The following CDS2 variants were observed in gnomAD, a reference collection of about 807,000 sequenced individuals.
CDS2 encodes CDP-diacylglycerol synthase 2.
In CDS2, 47 loss-of-function variants were observed where a neutral mutation model predicts 59.0. That is an observed-to-expected ratio of 0.80 (90% confidence interval 0.63 to 1.02). The LOEUF is 1.02. Ranked by LOEUF, CDS2 falls within the 50% of genes least tolerant of loss-of-function variation. The pLI, the probability that CDS2 is intolerant of heterozygous loss-of-function variation, is 0.00. For synonymous variants in CDS2, 207 were observed against 206.4 expected, an observed-to-expected ratio of 1.00 and a Z score of -0.02; for missense variants, 356 against 558.9, an observed-to-expected ratio of 0.64 and a Z score of 3.66.
chr20:5,168,419 A>ACCC (rs1568538241), intron 1 of CDS2, among the ~76,000 whole-genome samples: 8 of 138,372 alleles, frequency 5.8e-5, no homozygotes, highest in East Asian at 2.0e-4. Context: ...TGTCCCCCCA[A>ACCC]AAAAAAAAAA....
At position 5,194,309 on chromosome 20, in the gene CDS2, G is replaced by A. The variant is rs1182154936; in HGVS notation, c.*4075G>A. On this transcript the variant is annotated 3_prime_UTR_variant, in exon 13 of 13. Transcript: ENST00000460006. The stretch of plus-strand genomic sequence containing the variant: ...GGCCTTGTGCCACAACCTGCATGGG[G>A]TGCTAGGGTTTAAACCAAGTGGTCA... 2.0e-5 allele frequency: 3 copies of A among 152,328 alleles called. No homozygotes were observed. Among genetic ancestry groups the A allele is most frequent in the African/African-American group, 7.2e-5 (3 of 41,454 alleles). 9.4% of individuals were successfully genotyped at this position (152,328 alleles called of 1,614,324 possible).
intron 1 of CDS2, among the ~76,000 whole-genome samples, chr20:5,166,205 A>T (rs1352852273): frequency 6.6e-6 from 1 of 152,230 alleles, no homozygotes; most frequent in Non-Finnish European, 1.5e-5. Context: ...AGGTGGCATA[A>T]GGAGTGGATG....
rs2091109758 is a variant in CDS2, at chr20:5,190,945, TACTGTA to T, written c.*716_*721del. The T allele has an allele frequency of 1.3e-5, 2 of 152,686 alleles. No individual in the cohort carries two copies. Among genetic ancestry groups the T allele is most frequent in the South Asian group, 4.1e-4 (2 of 4,826 alleles). 9.5% of individuals were successfully genotyped at this position (152,686 alleles called of 1,614,324 possible). On this transcript the variant is annotated 3_prime_UTR_variant, in exon 13 of 13. Coordinates refer to ENST00000460006, the MANE Select transcript of CDS2 (RefSeq NM_003818.4). Reference sequence around the variant, plus strand: ...TATTTCAAGTGTATGCAGTAGAATGTACTGTAACTGAGCCCTTTCCCACATGTCTAG... The same window carrying T: ...TATTTCAAGTGTATGCAGTAGAATGTACTGAGCCCTTTCCCACATGTCTAG...
intron 3 of CDS2, 180 bp from the exon 4 acceptor site, chr20:5,176,468 T>C: frequency 1.7e-6 from 1 of 587,286 alleles, no homozygotes; most frequent in Middle Eastern, 2.9e-4. Context: ...CCCTGTGACA[T>C]AGAGGGCTGC....
Position 5,127,156 on chromosome 20 carries a change from G to A in CDS2, c.57+7G>A, listed in dbSNP as rs2090559910. ...TGCGCCACCCGAGGACAAGGTAGCGGCAGCGTCGGGGTGGGCGCGGCCGGG... is the reference window on the plus strand; with the variant it reads ...TGCGCCACCCGAGGACAAGGTAGCGACAGCGTCGGGGTGGGCGCGGCCGGG... On this transcript the variant is annotated splice_region_variant and intron_variant, in intron 1 of 12. Coordinates refer to ENST00000460006, the MANE Select transcript of CDS2 (RefSeq NM_003818.4). 1 of 1,489,136 alleles carries A rather than the reference G, an allele frequency of 6.7e-7. No homozygotes were observed. The highest frequency in any genetic ancestry group is 1.3e-5 in the South Asian group (1 of 78,388). 92.2% of individuals were successfully genotyped at this position (1,489,136 alleles called of 1,614,324 possible). A position where few individuals can be genotyped will look rare whatever the true frequency, so the allele number is the denominator to read the frequency against.
rs2091166971 is a variant in CDS2 at position 5,197,457 on chromosome 20, C to G, written c.*7223C>G. On this transcript the variant is annotated 3_prime_UTR_variant, in exon 13 of 13. Coordinates refer to ENST00000460006, the MANE Select transcript of CDS2 (RefSeq NM_003818.4). The stretch of plus-strand genomic sequence containing the variant: ...AGCCGTGTCTGCCCTGGCTCTGTCT[C>G]CTCTGTGACAGGGCAGAGCATTTCT... 1 of 152,152 alleles carries G rather than the reference C, an allele frequency of 6.6e-6. No homozygotes were observed. The highest frequency in any genetic ancestry group is 1.5e-5 in the Non-Finnish European group (1 of 68,018). 9.4% of individuals were successfully genotyped at this position (152,152 alleles called of 1,614,324 possible).
chr20:5,179,282 C>T (rs2091016377), intron 5 of CDS2, among the ~76,000 whole-genome samples: 2 of 152,108 alleles, frequency 1.3e-5, no homozygotes, highest in Non-Finnish European at 2.9e-5. Flanking sequence ...CTACCATGCC[C>T]AGCTAATTTT....
chr20:5,184,947 T>C lies in CDS2; in HGVS notation c.759+2T>C. ...TTTGGTCGGACCCCACTCATCAAGG[T>C]AAATGGATTACCCTAATGTGAAATA... On this transcript the variant is annotated splice_donor_variant, in intron 8 of 12. Transcript: ENST00000460006. LOFTEE classifies it high-confidence loss of function. This position sits in a 1 kb window ranked among gnomAD's most constrained non-coding sequence, Gnocchi z 4.3. 1.2e-6 allele frequency: 2 copies of C among 1,603,736 alleles called. No homozygotes were observed. Among genetic ancestry groups the C allele is most frequent in the Admixed American group, 3.3e-5 (2 of 60,002 alleles).
intron 1 of CDS2, among the ~76,000 whole-genome samples, chr20:5,149,122 G>A (rs2090768472): frequency 6.6e-6 from 1 of 152,006 alleles, no homozygotes; most frequent in Non-Finnish European, 1.5e-5. Context: ...GCGATCCTAT[G>A]AAATGGTGCC....
intron 1 of CDS2, among the ~76,000 whole-genome samples, chr20:5,135,586 T>C (rs1008968897): frequency 6.6e-6 from 1 of 152,198 alleles, no homozygotes; most frequent in Admixed American, 6.5e-5. Context: ...AGTCTTGTCA[T>C]GTGGTGGTTA....
chr20:5,182,305 A>G, intron 5 of CDS2, 82 bp from the exon 6 acceptor site: 1 of 1,240,934 alleles, frequency 8.1e-7, no homozygotes, highest in South Asian at 1.4e-5. Context: ...TTAGCCAAAG[A>G]ACCACTTAAC....
chr20:5,131,792 A>G (rs1331640267), intron 1 of CDS2, among the ~76,000 whole-genome samples: 1 of 152,236 alleles, frequency 6.6e-6, no homozygotes, highest in Non-Finnish European at 1.5e-5. Context: ...AAGTTGTGGC[A>G]GCCTCAGTTT....
In CDS2 at chr20:5,175,299, A is replaced by G; in HGVS notation, c.291+20A>G. The G allele has an allele frequency of 6.3e-6, 10 of 1,596,458 alleles. No individual in the cohort carries two copies. Among genetic ancestry groups the G allele is most frequent in the Non-Finnish European group, 8.6e-6 (10 of 1,164,194 alleles). On this transcript the variant is annotated intron_variant, in intron 3 of 12. Coordinates refer to ENST00000460006, the MANE Select transcript of CDS2 (RefSeq NM_003818.4). ...ATAATCGTAAGTGCCATTTCACACT[A>G]TTTTAGTTTTCCCTTCAGTTTTTGC...
Position 5,176,796 on chromosome 20 carries a change from G to T in CDS2, c.389+51G>T, listed in dbSNP as rs895878110. 4 of 1,293,390 alleles carry T rather than the reference G, an allele frequency of 3.1e-6. No individual in the cohort carries two copies. In the East Asian group the frequency reaches 9.2e-5, roughly 30 times the overall value. The allele number at this position is 1,293,390 out of a possible 1,614,324, so 80.1% of individuals were successfully genotyped here. ...TTTTAGAATTTGGATGATGTGCTTTGTGGCAGGTACTTACAGTGACGGTGG... is the reference window on the plus strand; with the variant it reads ...TTTTAGAATTTGGATGATGTGCTTTTTGGCAGGTACTTACAGTGACGGTGG... On this transcript the variant is annotated intron_variant, in intron 4 of 12. Transcript: ENST00000460006.
At chr20:5,168,536 C>A in intron 1 of CDS2, 1 of 501,350 alleles carries the variant, frequency 2.0e-6, no homozygotes, top group South Asian at 1.5e-5. Context: ...ATGGGCACAG[C>A]CACACTTTTT....
chr20:5,177,585 C>T (rs1207356046), intron 4 of CDS2, among the ~76,000 whole-genome samples: 2 of 152,198 alleles, frequency 1.3e-5, no homozygotes, highest in Non-Finnish European at 2.9e-5. Context: ...CAGAGCACTG[C>T]ACCATGCTGA....
chr20:5,161,369 T>C (rs2090875467), intron 1 of CDS2, among the ~76,000 whole-genome samples: 1 of 152,212 alleles, frequency 6.6e-6, no homozygotes, highest in Non-Finnish European at 1.5e-5. Context: ...CACACAGCTG[T>C]GGCTCTCATA....
At chr20:5,170,906 A>G (rs1177855997) in intron 1 of CDS2, among the ~76,000 whole-genome samples, 3 of 152,230 alleles carry the variant, frequency 2.0e-5, no homozygotes, top group Non-Finnish European at 4.4e-5. Flanking sequence ...CAGAAATACA[A>G]ACTACCATCA....
At chr20:5,163,605 T>C (rs1311490990) in intron 1 of CDS2, among the ~76,000 whole-genome samples, 1 of 152,202 alleles carries the variant, frequency 6.6e-6, no homozygotes, top group African/African-American at 2.4e-5. Flanking sequence ...AATTTTCATA[T>C]ACTTGTGTTT....
Sources: gnomAD v4.1 joint callset for allele counts (sites outside exome capture counted in the v4.1 genomes callset) on GRCh38, gnomAD v4.1.1 for gene constraint, Gnocchi (gnomAD v3.1) non-coding constraint, MANE v1.5 for transcripts, NCBI Gene and HGNC (gene_info 2026-07-23, HGNC 2026-07-21) for gene names.